TBC1D22A: variants seen among roughly 807,000 people sequenced by gnomAD.
The protein encoded by TBC1D22A is TBC1 domain family member 22A.
In TBC1D22A, 38 loss-of-function variants were observed where a neutral mutation model predicts 60.2. The ratio of observed to expected loss-of-function variants is 0.63; its 90% CI spans 0.49 to 0.83. The LOEUF (loss-of-function observed/expected upper bound fraction) is 0.83, where lower values mean the gene tolerates loss of function less well. Among genes scored for constraint, TBC1D22A ranks in the 40% least tolerant of loss-of-function variants. TBC1D22A has a pLI of 0.00. For missense variants in TBC1D22A, 628 were observed against 701.0 expected (o/e 0.90, Z 1.18); for synonymous variants, 302 against 281.7 (o/e 1.07, Z -0.72).
Position 46,777,016 on chromosome 22 carries a change from G to C in TBC1D22A, c.62+14168G>C, listed in dbSNP as rs187943276. Among the ~76,000 whole-genome samples the C allele has an allele frequency of 2.2e-3, 328 of 152,272 alleles. 1 individual carries two copies. Among genetic ancestry groups the C allele is most frequent in the Non-Finnish European group, 3.7e-3 (253 of 68,020 alleles). ...AACTGTCATGTTCTTCTCAGGAGCA[G>C]GGGATGGGTCAGGGCCAGGGCTGAT... On this transcript the variant is annotated intron_variant, in intron 1 of 12. Coordinates refer to ENST00000337137, the MANE Select transcript of TBC1D22A (RefSeq NM_014346.5). The surrounding 1 kb of genome is among the most constrained non-coding windows in gnomAD (Gnocchi z 4.5).
chr22:46,914,985 G>A (rs977237147), intron 8 of TBC1D22A: 17 of 206,296 alleles, frequency 8.2e-5, no homozygotes, highest in African/African-American at 3.9e-4. Context: ...GGGATGAGGA[G>A]GAGGCTAGAT....
intron 12 of TBC1D22A, among the ~76,000 whole-genome samples, chr22:47,155,249 A>G (rs2067665919): frequency 6.6e-6 from 1 of 151,916 alleles, no homozygotes; most frequent in African/African-American, 2.4e-5. Flanking sequence ...CAAGGACAGT[A>G]TACATCGCTG....
intron 4 of TBC1D22A, among the ~76,000 whole-genome samples, chr22:46,834,447 T>TTC (rs2086435489): frequency 6.6e-6 from 1 of 152,068 alleles, no homozygotes. Context: ...ATAACACCCC[T>TTC]CCCTGAAGGC....
chr22:47,154,429 G>C (rs1036386301), intron 12 of TBC1D22A, among the ~76,000 whole-genome samples: 2 of 152,270 alleles, frequency 1.3e-5, no homozygotes, highest in South Asian at 2.1e-4. Flanking sequence ...TCATGGCCTG[G>C]AAATGCCCCC....
At chr22:46,780,279 A>G (rs1601832161) in intron 1 of TBC1D22A, among the ~76,000 whole-genome samples, 2 of 152,240 alleles carry the variant, frequency 1.3e-5, no homozygotes, top group African/African-American at 4.8e-5. Flanking sequence ...TACTTCATAT[A>G]TGTGAAATAC....
intron 11 of TBC1D22A, among the ~76,000 whole-genome samples, chr22:47,060,330 C>T (rs1027007563): frequency 6.7e-6 from 1 of 149,880 alleles, no homozygotes; most frequent in Non-Finnish European, 1.5e-5. Flanking sequence ...CAACCTCTGC[C>T]TCCTGGGTTC....
chr22:46,907,752 C>T (rs1436745925), intron 7 of TBC1D22A, among the ~76,000 whole-genome samples: 2 of 152,226 alleles, frequency 1.3e-5, no homozygotes, highest in East Asian at 1.9e-4. Flanking sequence ...CAGGGACCCA[C>T]CTTGAACTGG....
chr22:46,926,150 C>A (rs1052703340), intron 8 of TBC1D22A, among the ~76,000 whole-genome samples: 1 of 152,200 alleles, frequency 6.6e-6, no homozygotes, highest in Non-Finnish European at 1.5e-5. Flanking sequence ...TCAGCACTTA[C>A]AGGATGCAGT....
intron 8 of TBC1D22A, among the ~76,000 whole-genome samples, chr22:46,945,748 A>ATATT (rs1394979078): frequency 1.3e-5 from 2 of 152,140 alleles, no homozygotes; most frequent in African/African-American, 4.8e-5. Context: ...TGCTGATGCA[A>ATATT]TATTACCTGC....
chr22:46,853,786 C>T (rs939982013), intron 4 of TBC1D22A, among the ~76,000 whole-genome samples: 3 of 152,062 alleles, frequency 2.0e-5, no homozygotes, highest in Admixed American at 6.5e-5. Flanking sequence ...GGCAGGGCCT[C>T]GTCCTCTGGG....
intron 10 of TBC1D22A, among the ~76,000 whole-genome samples, chr22:47,033,858 G>A (rs131955): frequency 0.32 from 48,792 of 151,964 alleles, 8,348 homozygotes; most frequent in African/African-American, 0.42. Context: ...GAAGGCCGAG[G>A]AGGGAGTGGG....
At chr22:46,989,759 T>TCACACACACACACACACA (rs35714390) in intron 9 of TBC1D22A, among the ~76,000 whole-genome samples, 195 of 146,148 alleles carry the variant, frequency 1.3e-3, no homozygotes, top group African/African-American at 4.0e-3. Context: ...TGTGACAGAG[T>TCACACACACACACACACA]CACACACACA....
intron 12 of TBC1D22A, among the ~76,000 whole-genome samples, chr22:47,144,903 G>A (rs945507202): frequency 5.9e-5 from 9 of 151,868 alleles, no homozygotes; most frequent in African/African-American, 9.7e-5. Context: ...GGTGCAGCCC[G>A]TGAAGGTGCC....
At chr22:46,822,985 A>G (rs974250143) in intron 4 of TBC1D22A, among the ~76,000 whole-genome samples, 16 of 152,104 alleles carry the variant, frequency 1.1e-4, no homozygotes, top group African/African-American at 3.9e-4. Context: ...CCACTATCCT[A>G]GGGTAAAGGA....
chr22:46,863,696 CA>C (rs1360812022), intron 4 of TBC1D22A, among the ~76,000 whole-genome samples: 2 of 152,168 alleles, frequency 1.3e-5, no homozygotes, highest in African/African-American at 4.8e-5. Context: ...TGATTTTACA[CA>C]AAACAAAAGC....
At chr22:46,864,225 A>G (rs893445007) in intron 4 of TBC1D22A, among the ~76,000 whole-genome samples, 1 of 152,264 alleles carries the variant, frequency 6.6e-6, no homozygotes, top group Non-Finnish European at 1.5e-5. Context: ...AATGATAGCA[A>G]TTAAGGGTCA....
intron 4 of TBC1D22A, among the ~76,000 whole-genome samples, chr22:46,863,696 C>T (rs1224763297): frequency 6.6e-6 from 1 of 152,168 alleles, no homozygotes; most frequent in Non-Finnish European, 1.5e-5. Context: ...TGATTTTACA[C>T]AAAACAAAAG....
At chr22:47,117,193 A>T (rs549982321) in intron 12 of TBC1D22A, 1 of 157,466 alleles carries the variant, frequency 6.4e-6, no homozygotes. Context: ...AGCCATGAGC[A>T]ATATGAAAAG....
chr22:47,159,204 CCATA>C (rs1337028946), intron 12 of TBC1D22A, among the ~76,000 whole-genome samples: 1 of 150,384 alleles, frequency 6.6e-6, no homozygotes, highest in African/African-American at 2.5e-5. Flanking sequence ...CGCACACACA[CCATA>C]CACCATGTAT....
Sources: allele counts gnomAD v4.1 joint callset (sites outside exome capture counted in the v4.1 genomes callset), GRCh38; gene constraint gnomAD v4.1.1; non-coding constraint Gnocchi (gnomAD v3.1); transcripts MANE v1.5; gene names NCBI Gene and HGNC (gene_info 2026-07-23, HGNC 2026-07-21).